CACNA2D3: variants seen among roughly 807,000 people sequenced by gnomAD.
CACNA2D3 encodes the protein voltage-dependent calcium channel subunit alpha-2/delta-3.
CACNA2D3 carries 60 observed loss-of-function variants against 160.6 expected under a neutral mutation model. The observed-to-expected ratio is 0.37, with a 90% CI of 0.30 to 0.46. CACNA2D3 has a LOEUF of 0.46. Among genes scored for constraint, CACNA2D3 ranks in the 20% least tolerant of loss-of-function variants. The pLI is 1.00. For missense variants in CACNA2D3, 1,205 were observed against 1,365.0 expected, an observed-to-expected ratio of 0.88 and a Z score of 1.85; for synonymous variants, 558 against 492.9, an observed-to-expected ratio of 1.13 and a Z score of -1.75.
chr3:54,956,486 C>T (rs552840975), intron 27 of CACNA2D3, among the ~76,000 whole-genome samples: 108 of 152,276 alleles, frequency 7.1e-4, no homozygotes, highest in African/African-American at 2.6e-3. Context: ...CTTGCATGGG[C>T]CACATGGTCT....
At chr3:54,270,723 G>A (rs906199534) in intron 2 of CACNA2D3, among the ~76,000 whole-genome samples, 4 of 152,182 alleles carry the variant, frequency 2.6e-5, no homozygotes, top group Non-Finnish European at 4.4e-5. Flanking sequence ...TTCCATGTTC[G>A]TTCAAGTTGT....
chr3:54,589,353 T>A (rs1286548093), intron 9 of CACNA2D3, among the ~76,000 whole-genome samples: 1 of 151,938 alleles, frequency 6.6e-6, no homozygotes, highest in Non-Finnish European at 1.5e-5. Flanking sequence ...AAATTAACCT[T>A]GACTCAAACC....
At chr3:54,212,641 G>C (rs566520523) in intron 2 of CACNA2D3, among the ~76,000 whole-genome samples, 1 of 152,130 alleles carries the variant, frequency 6.6e-6, no homozygotes, top group South Asian at 2.1e-4. Context: ...AGGTGTGTCC[G>C]ACCCCCACTT....
intron 13 of CACNA2D3, among the ~76,000 whole-genome samples, chr3:54,775,650 C>G (rs1702412056): frequency 6.6e-6 from 1 of 152,114 alleles, no homozygotes; most frequent in Admixed American, 6.5e-5. Flanking sequence ...CAGGTTGTGT[C>G]TGTATTCAAA....
intron 27 of CACNA2D3, among the ~76,000 whole-genome samples, chr3:54,949,219 A>G (rs1452671988): frequency 1.3e-5 from 2 of 152,216 alleles, no homozygotes; most frequent in South Asian, 2.1e-4. Context: ...GCACAGGAGC[A>G]TAGGATGCAT....
chr3:54,619,928 G>GGT (rs1287956777), intron 9 of CACNA2D3, among the ~76,000 whole-genome samples: 3 of 152,080 alleles, frequency 2.0e-5, no homozygotes, highest in South Asian at 2.1e-4. Flanking sequence ...GTTAGGGTTG[G>GGT]GTGTGTGTGT....
intron 11 of CACNA2D3, among the ~76,000 whole-genome samples, chr3:54,751,558 A>C (rs1425945029): frequency 6.6e-6 from 1 of 152,122 alleles, no homozygotes; most frequent in Non-Finnish European, 1.5e-5. Context: ...TTCCTTCCCT[A>C]GTCAACTGGA....
At chr3:54,551,373 G>GAATA (rs1388875361) in intron 5 of CACNA2D3, among the ~76,000 whole-genome samples, 1 of 152,210 alleles carries the variant, frequency 6.6e-6, no homozygotes, top group Non-Finnish European at 1.5e-5. Flanking sequence ...CTGAATGAAT[G>GAATA]AATAAATAAA....
At chr3:54,619,137 T>G (rs865977249) in intron 9 of CACNA2D3, among the ~76,000 whole-genome samples, 37 of 152,232 alleles carry the variant, frequency 2.4e-4, no homozygotes, top group African/African-American at 8.4e-4. Context: ...GGCTTCAGCT[T>G]TTCCCAGGCT....
chr3:54,721,643 C>T (rs1177066185), intron 11 of CACNA2D3, among the ~76,000 whole-genome samples: 1 of 151,830 alleles, frequency 6.6e-6, no homozygotes, highest in Non-Finnish European at 1.5e-5. Context: ...CACCTGTAAT[C>T]CCAACTACTT....
intron 18 of CACNA2D3, among the ~76,000 whole-genome samples, chr3:54,876,021 G>GT (rs1559613040): frequency 6.6e-6 from 1 of 152,134 alleles, no homozygotes; most frequent in Non-Finnish European, 1.5e-5. Context: ...CTGCACATGG[G>GT]TTTTTTAATG....
At chr3:54,762,218 TAACTC>T (rs1702093282) in intron 12 of CACNA2D3, among the ~76,000 whole-genome samples, 1 of 152,164 alleles carries the variant, frequency 6.6e-6, no homozygotes, top group Non-Finnish European at 1.5e-5. Context: ...TATGTCATCT[TAACTC>T]TACCCTCTCT....
At chr3:54,955,846 C>T (rs994483802) in intron 27 of CACNA2D3, among the ~76,000 whole-genome samples, 2 of 152,160 alleles carry the variant, frequency 1.3e-5, no homozygotes, top group African/African-American at 4.8e-5. Context: ...ACCAGCTAAG[C>T]CTGCTCACGA....
rs1702617303 is a variant in CACNA2D3 at position 54,986,576 on chromosome 3, T to C, written c.2620-1107T>C. ...CCTTCTTCCTCCTTTTCTCCCCCTT[T>C]ACATTTTGCCAAAGTTTATATATGT... is the stretch of plus-strand genomic sequence containing the variant. On this transcript the variant is annotated intron_variant, in intron 30 of 37. Transcript: ENST00000474759. Among the ~76,000 whole-genome samples, 4 of 152,220 alleles carry C rather than the reference T, an allele frequency of 2.6e-5. No homozygotes were observed. In the South Asian group the frequency reaches 6.2e-4, roughly 24 times the overall value.
At position 54,303,820 on chromosome 3, in the gene CACNA2D3, T is replaced by TTTTTGTTTTG. The variant is rs1262583971; in HGVS notation, c.205-16618_205-16617insGTTTTGTTTT. Among the ~76,000 whole-genome samples the TTTTTGTTTTG allele has an allele frequency of 7.4e-3, 414 of 55,622 alleles. 11 individuals carry two copies. The highest frequency in any genetic ancestry group is 0.014 in the Non-Finnish European group (330 of 23,338). 36.5% of individuals were successfully genotyped at this position (55,622 alleles called of 152,430 possible). On this transcript the variant is annotated intron_variant, in intron 2 of 37. Transcript: ENST00000474759. ...GCCTCATCAGTGACTTTTTTTCTGT[T>TTTTTGTTTTG]TTTTTTTTTTTTTTTTTTCTATTGC...
At chr3:54,927,854 C>T in intron 27 of CACNA2D3, 2 of 1,601,114 alleles carry the variant, frequency 1.2e-6, no homozygotes, top group Non-Finnish European at 1.7e-6. Context: ...GAGGGGATAC[C>T]ATCTTTCTCC....
intron 35 of CACNA2D3, among the ~76,000 whole-genome samples, chr3:55,019,299 G>A (rs1020180786): frequency 2.6e-5 from 4 of 151,224 alleles, no homozygotes; most frequent in Non-Finnish European, 5.9e-5. Context: ...ATTTATTCTT[G>A]GCTCTTTACT....
Position 55,074,094 on chromosome 3 carries a change from A to G in CACNA2D3, c.3184-20A>G. The G allele has an allele frequency of 6.2e-7, 1 of 1,602,368 alleles. No individual in the cohort carries two copies. Among genetic ancestry groups the G allele is most frequent in the Non-Finnish European group, 8.6e-7 (1 of 1,169,354 alleles). On this transcript the variant is annotated intron_variant, in intron 37 of 37. Coordinates refer to ENST00000474759, the MANE Select transcript of CACNA2D3 (RefSeq NM_018398.3). ...CCTGGAGTCTATTTCCGTCTAACCA[A>G]CCCCTGCCTTTCCCCATAGGAGAAT...
At chr3:54,272,544 T>A (rs1271996898) in intron 2 of CACNA2D3, among the ~76,000 whole-genome samples, 1 of 152,064 alleles carries the variant, frequency 6.6e-6, no homozygotes, top group Non-Finnish European at 1.5e-5. Context: ...AAACCTATTG[T>A]GGGGTTCTTC....
Sources: gnomAD v4.1 joint callset for allele counts (sites outside exome capture counted in the v4.1 genomes callset) on GRCh38, gnomAD v4.1.1 for gene constraint, MANE v1.5 for transcripts, NCBI Gene and HGNC (gene_info 2026-07-23, HGNC 2026-07-21) for gene names.